The following MDM4 variants were observed in gnomAD, a reference collection of about 807,000 sequenced individuals.
MDM4 encodes the protein protein Mdm4.
A neutral mutation model predicts 60.2 loss-of-function variants in MDM4; 2 were observed. The observed-to-expected ratio is 0.03, with a 90% confidence interval of 0.01 to 0.10. The LOEUF (loss-of-function observed/expected upper bound fraction) is 0.10. Ranked by LOEUF, MDM4 falls within the 10% of genes least tolerant of loss-of-function variation. MDM4 has a pLI of 1.00. For synonymous variants in MDM4, 202 were observed against 198.1 expected, an observed-to-expected ratio of 1.02 and a Z score of -0.17; for missense variants, 447 against 577.5, an observed-to-expected ratio of 0.77 and a Z score of 2.32.
rs1386872617 is a variant in MDM4 at position 204,557,161 on chromosome 1, T to TATATTCAGA, written c.*7483_*7491dup. 5.1e-6 allele frequency: 1 copy of TATATTCAGA among 196,958 alleles called. No homozygotes were observed. Among genetic ancestry groups the TATATTCAGA allele is most frequent in the Non-Finnish European group, 1.1e-5 (1 of 94,990 alleles). The allele number at this position is 196,958 out of a possible 1,614,324, so 12.2% of individuals were successfully genotyped here. On this transcript the variant is annotated 3_prime_UTR_variant, in exon 11 of 11. Transcript: ENST00000367182. Reference sequence around the variant, plus strand: ...TCTTGGTGTACCAAGCTCTGGGGTATATATTCAGAATACCTCATGTTCTGG... The same window carrying TATATTCAGA: ...TCTTGGTGTACCAAGCTCTGGGGTATATATTCAGAATATTCAGAATACCTCATGTTCTGG...
intron 1 of MDM4, among the ~76,000 whole-genome samples, chr1:204,516,761 C>T (rs4245735): frequency 2.0e-4 from 30 of 152,272 alleles, no homozygotes; most frequent in East Asian, 1.9e-3. Context: ...GGTGACAAAC[C>T]TAAAGTCGAC....
chr1:204,533,143 A>G (rs1314919503), intron 5 of MDM4, among the ~76,000 whole-genome samples: 1 of 152,174 alleles, frequency 6.6e-6, no homozygotes, highest in Admixed American at 6.5e-5. Flanking sequence ...GACCTTCTAA[A>G]TACTGCTCTT....
chr1:204,525,517 A>C lies in MDM4; in HGVS notation c.-2A>C. 1 of 1,609,278 alleles carries C rather than the reference A, an allele frequency of 6.2e-7. No homozygotes were observed. The highest frequency in any genetic ancestry group is 1.7e-4 in the Middle Eastern group (1 of 6,040). On this transcript the variant is annotated 5_prime_UTR_variant, in exon 2 of 11. Coordinates refer to ENST00000367182, the MANE Select transcript of MDM4 (RefSeq NM_002393.5). ...ACAGACTGCAGTTTCTTCACTACCA[A>C]AATGACATCATTTTCCACCTCTGCT...
At chr1:204,529,081 G>C in intron 3 of MDM4, 1 of 1,414,122 alleles carries the variant, frequency 7.1e-7, no homozygotes, top group Non-Finnish European at 9.8e-7. Context: ...GCTTGCTGCA[G>C]CTCTGTGTAG....
At chr1:204,529,833 T>A in intron 3 of MDM4, 1 of 261,376 alleles carries the variant, frequency 3.8e-6, no homozygotes, top group Non-Finnish European at 7.3e-6. Flanking sequence ...CTTTCTGTTA[T>A]GAACCTTGAC....
At chr1:204,532,366 AATAC>A in intron 5 of MDM4, 120 bp downstream of exon 5, 1 of 699,176 alleles carries the variant, frequency 1.4e-6, no homozygotes, top group Non-Finnish European at 2.6e-6. Flanking sequence ...GACTGGGAGA[AATAC>A]ATACTACCTG....
chr1:204,537,206 G>A (rs1661513771), intron 5 of MDM4, among the ~76,000 whole-genome samples: 1 of 151,840 alleles, frequency 6.6e-6, no homozygotes, highest in South Asian at 2.1e-4. Context: ...TTTTTTTCCC[G>A]ATTATATTTT....
chr1:204,532,606 A>G (rs1660977115), intron 5 of MDM4: 2 of 619,042 alleles, frequency 3.2e-6, no homozygotes, highest in Non-Finnish European at 5.6e-6. Context: ...TAGCCAGTTT[A>G]TGTATCATTT....
intron 8 of MDM4, among the ~76,000 whole-genome samples, chr1:204,544,087 G>T (rs1662402559): frequency 6.6e-6 from 1 of 152,198 alleles, no homozygotes; most frequent in Non-Finnish European, 1.5e-5. Context: ...CAGGACAAAA[G>T]GTTTGGGTGA....
intron 10 of MDM4, 121 bp from the exon 11 acceptor site, chr1:204,548,992 A>G: frequency 1.5e-6 from 1 of 673,544 alleles, no homozygotes; most frequent in Non-Finnish European, 2.6e-6. Flanking sequence ...CTCAAATCCT[A>G]GGCTAGATCA....
intron 3 of MDM4, among the ~76,000 whole-genome samples, chr1:204,530,189 A>G (rs963997783): frequency 6.6e-6 from 1 of 152,194 alleles, no homozygotes; most frequent in African/African-American, 2.4e-5. Flanking sequence ...TTTTTATTTG[A>G]TAAACACTTG....
At position 204,549,909 on chromosome 1, in the gene MDM4, G is replaced by A; in HGVS notation, c.*227G>A. Reference sequence around the variant, plus strand: ...ACTTTATGCAGCAGTCAGGTACATAGTTAGGTGAACCCAAAAGAAAAACTC... The same window carrying A: ...ACTTTATGCAGCAGTCAGGTACATAATTAGGTGAACCCAAAAGAAAAACTC... On this transcript the variant is annotated 3_prime_UTR_variant, in exon 11 of 11. Coordinates refer to ENST00000367182, the MANE Select transcript of MDM4 (RefSeq NM_002393.5). 1 of 383,420 alleles carries A rather than the reference G, an allele frequency of 2.6e-6. No homozygotes were observed. The allele number at this position is 383,420 out of a possible 1,614,324, so 23.8% of individuals were successfully genotyped here. A position where few individuals can be genotyped will look rare whatever the true frequency, so the allele number is the denominator to read the frequency against.
chr1:204,535,150 G>GGTA (rs961859663), intron 5 of MDM4, among the ~76,000 whole-genome samples: 13 of 151,064 alleles, frequency 8.6e-5, no homozygotes, highest in African/African-American at 3.2e-4. Flanking sequence ...TGTTTAAAAT[G>GGTA]GTAGTTCTTT....
intron 1 of MDM4, among the ~76,000 whole-genome samples, chr1:204,523,723 C>G (rs757573156): frequency 2.0e-5 from 3 of 151,898 alleles, no homozygotes; most frequent in Non-Finnish European, 4.4e-5. Flanking sequence ...ATTTTCGAAG[C>G]TGCAAATGAA....
chr1:204,534,734 C>A (rs1011508205), intron 5 of MDM4, among the ~76,000 whole-genome samples: 1 of 152,100 alleles, frequency 6.6e-6, no homozygotes, highest in African/African-American at 2.4e-5. Context: ...TCAAGCGATC[C>A]CCCTTCTTCG....
chr1:204,537,302 A>G (rs1309693536), intron 5 of MDM4, 128 bp from the exon 6 acceptor site: 2 of 643,124 alleles, frequency 3.1e-6, no homozygotes, highest in South Asian at 2.0e-5. Context: ...AGCTTTGTCC[A>G]GCCAACATGG....
chr1:204,526,967 A>T (rs1660255806), intron 3 of MDM4, among the ~76,000 whole-genome samples: 1 of 152,074 alleles, frequency 6.6e-6, no homozygotes, highest in East Asian at 1.9e-4. Flanking sequence ...GAATTCATTG[A>T]TCGTAGAGTT....
chr1:204,523,630 C>T (rs1264559177), intron 1 of MDM4, among the ~76,000 whole-genome samples: 8 of 151,432 alleles, frequency 5.3e-5, no homozygotes, highest in Admixed American at 6.6e-5. Context: ...ACTGCAGGCT[C>T]GTGCCATGCC....
chr1:204,544,722 GTGCTCATAGTATCATC>G (rs1572516695), intron 9 of MDM4, 38 bp downstream of exon 9: 1 of 1,580,288 alleles, frequency 6.3e-7, no homozygotes, highest in Non-Finnish European at 8.7e-7. Context: ...TTCTGTTTGT[GTGCTCATAGTATCATC>G]TGTTGAGATT....
Sources: gnomAD v4.1 joint callset for allele counts (sites outside exome capture counted in the v4.1 genomes callset) on GRCh38, gnomAD v4.1.1 for gene constraint, MANE v1.5 for transcripts, NCBI Gene and HGNC (gene_info 2026-07-23, HGNC 2026-07-21) for gene names.